LRMDA: variants seen among roughly 807,000 people sequenced by gnomAD.
LRMDA encodes leucine-rich melanocyte differentiation-associated protein.
A neutral mutation model predicts 29.8 loss-of-function variants in LRMDA; 18 were observed. The observed-to-expected ratio is 0.60, with a 90% CI of 0.42 to 0.90. The LOEUF is 0.90. Ranked by LOEUF, LRMDA falls within the 40% of genes least tolerant of loss-of-function variation. The pLI is 0.00. For missense variants in LRMDA, 273 were observed against 273.9 expected, an observed-to-expected ratio of 1.00 and a Z score of 0.02; for synonymous variants, 125 against 109.4, an observed-to-expected ratio of 1.14 and a Z score of -0.89.
intron 6 of LRMDA, among the ~76,000 whole-genome samples, chr10:76,514,011 G>T (rs961526434): frequency 1.3e-5 from 2 of 152,130 alleles, no homozygotes; most frequent in African/African-American, 4.8e-5. Context: ...GGTAAGAATT[G>T]TTTCCCTGAA....
intron 5 of LRMDA, among the ~76,000 whole-genome samples, chr10:76,275,903 T>C (rs1283077069): frequency 2.0e-5 from 3 of 152,136 alleles, no homozygotes; most frequent in African/African-American, 4.8e-5. Flanking sequence ...TTCATTATCA[T>C]TGTTTTCCTG....
chr10:75,844,410 A>T (rs1351578129), intron 2 of LRMDA, among the ~76,000 whole-genome samples: 1 of 152,196 alleles, frequency 6.6e-6, no homozygotes, highest in Non-Finnish European at 1.5e-5. Flanking sequence ...ACAACAGAAG[A>T]CAGAAAGGGT....
intron 2 of LRMDA, among the ~76,000 whole-genome samples, chr10:75,476,960 C>G (rs2132049991): frequency 6.6e-6 from 1 of 151,932 alleles, no homozygotes; most frequent in Non-Finnish European, 1.5e-5. Flanking sequence ...TATCTGTGTC[C>G]TGATCACCTC....
intron 2 of LRMDA, among the ~76,000 whole-genome samples, chr10:75,676,114 G>A (rs1841956854): frequency 6.6e-6 from 1 of 151,836 alleles, no homozygotes; most frequent in Non-Finnish European, 1.5e-5. Context: ...CCTTTCTGGG[G>A]AAAGAATCCC....
chr10:76,494,178 T>C (rs1285037679), intron 6 of LRMDA, among the ~76,000 whole-genome samples: 1 of 152,026 alleles, frequency 6.6e-6, no homozygotes, highest in East Asian at 1.9e-4. Context: ...TGTTTCTGTT[T>C]CTTTCCTTAT....
At chr10:76,461,877 C>T (rs915381804) in intron 6 of LRMDA, among the ~76,000 whole-genome samples, 1 of 151,928 alleles carries the variant, frequency 6.6e-6, no homozygotes, top group African/African-American at 2.4e-5. Flanking sequence ...GAGTCCAAGG[C>T]TAGCCTGGGC....
intron 6 of LRMDA, among the ~76,000 whole-genome samples, chr10:76,363,171 AAGAAAGGAG>A (rs1564520640): frequency 1.5e-4 from 5 of 32,552 alleles, no homozygotes; most frequent in African/African-American, 6.0e-4. Context: ...GAAAGAAAGA[AAGAAAGGAG>A]GGAGGGAGGG....
chr10:75,959,207 A>G (rs545425633), intron 2 of LRMDA, among the ~76,000 whole-genome samples: 24 of 152,200 alleles, frequency 1.6e-4, no homozygotes, highest in Non-Finnish European at 3.4e-4. Context: ...CTCCCGCCCC[A>G]TTTCCCCAGT....
chr10:75,783,610 C>A (rs1484685904), intron 2 of LRMDA, among the ~76,000 whole-genome samples: 1 of 152,090 alleles, frequency 6.6e-6, no homozygotes, highest in African/African-American at 2.4e-5. Context: ...AATCCACGTG[C>A]CATCCCTCCA....
intron 2 of LRMDA, among the ~76,000 whole-genome samples, chr10:75,576,586 C>T (rs1476260616): frequency 6.6e-6 from 1 of 152,172 alleles, no homozygotes; most frequent in Non-Finnish European, 1.5e-5. Context: ...GGAGACACCT[C>T]CCAGTAGGGG....
chr10:75,873,828 G>C (rs1438280840), intron 2 of LRMDA, among the ~76,000 whole-genome samples: 1 of 152,176 alleles, frequency 6.6e-6, no homozygotes, highest in Non-Finnish European at 1.5e-5. Context: ...AGCAAGGAGA[G>C]GTGGCAGAAT....
intron 2 of LRMDA, among the ~76,000 whole-genome samples, chr10:75,471,284 C>G (rs1844723223): frequency 6.6e-6 from 1 of 151,290 alleles, no homozygotes; most frequent in Admixed American, 6.6e-5. Context: ...GGAAGTTCAT[C>G]TGTGTTTAAA....
intron 2 of LRMDA, among the ~76,000 whole-genome samples, chr10:75,847,324 TCC>T (rs1460101712): frequency 6.6e-6 from 1 of 152,178 alleles, no homozygotes; most frequent in Admixed American, 6.5e-5. Flanking sequence ...TACAGTTGGG[TCC>T]TAACTTCATA....
At chr10:76,224,408 CA>C (rs1467893638) in intron 5 of LRMDA, among the ~76,000 whole-genome samples, 3 of 151,864 alleles carry the variant, frequency 2.0e-5, no homozygotes, top group Admixed American at 6.6e-5. Flanking sequence ...CCCATCTCTA[CA>C]AAAAATACAA....
intron 2 of LRMDA, among the ~76,000 whole-genome samples, chr10:75,569,771 T>A (rs1840415196): frequency 1.3e-5 from 2 of 152,184 alleles, no homozygotes; most frequent in African/African-American, 2.4e-5. Context: ...TTAGCACAAA[T>A]CAGATCAAGG....
At chr10:76,411,438 A>G (rs1841960371) in intron 6 of LRMDA, among the ~76,000 whole-genome samples, 1 of 152,200 alleles carries the variant, frequency 6.6e-6, no homozygotes, top group African/African-American at 2.4e-5. Flanking sequence ...ATGATTATAT[A>G]CACCTTACAG....
At chr10:75,673,572 G>A (rs570149433) in intron 2 of LRMDA, among the ~76,000 whole-genome samples, 3 of 152,134 alleles carry the variant, frequency 2.0e-5, no homozygotes, top group Non-Finnish European at 4.4e-5. Flanking sequence ...TGGGCTAAAC[G>A]TGGATATAAA....
intron 2 of LRMDA, among the ~76,000 whole-genome samples, chr10:75,907,377 C>T (rs1049936003): frequency 6.6e-6 from 1 of 152,124 alleles, no homozygotes; most frequent in Non-Finnish European, 1.5e-5. Context: ...GATATTAGCT[C>T]GTTAATTATG....
chr10:76,141,956 C>G (rs1466441865), intron 5 of LRMDA, among the ~76,000 whole-genome samples: 1 of 152,062 alleles, frequency 6.6e-6, no homozygotes, highest in African/African-American at 2.4e-5. Flanking sequence ...ATCGTGGATG[C>G]ATTTACATGT....
Sources: allele counts gnomAD v4.1 joint callset (sites outside exome capture counted in the v4.1 genomes callset), GRCh38; gene constraint gnomAD v4.1.1; transcripts MANE v1.5; gene names NCBI Gene and HGNC (gene_info 2026-07-23, HGNC 2026-07-21).